The following KLHL15 variants were observed in gnomAD, a reference collection of about 807,000 sequenced individuals.
KLHL15 encodes kelch-like protein 15.
A neutral mutation model predicts 29.3 loss-of-function variants in KLHL15; 1 was observed. The ratio of observed to expected loss-of-function variants is 0.03; its 90% CI spans 0.01 to 0.16. The LOEUF is 0.16. KLHL15 is among the 10% of genes least tolerant of loss of function. The pLI is 1.00. For missense variants in KLHL15, 215 were observed against 478.5 expected, an observed-to-expected ratio of 0.45 and a Z score of 5.14; for synonymous variants, 212 against 184.5, an observed-to-expected ratio of 1.15 and a Z score of -1.21.
Position 24,006,310 on chromosome X carries a change from G to C in KLHL15, c.384C>G (p.Ile128Met). The C allele has an allele frequency of 8.3e-7, 1 of 1,211,667 alleles. No homozygotes were observed. The highest frequency in any genetic ancestry group is 1.8e-5 in the South Asian group (1 of 56,988). The change falls in exon 3 of 4, where the codon ATC (isoleucine) becomes ATG (methionine). Residue 128 changes from isoleucine to methionine, a missense_variant. By Grantham distance (10) the Ile-to-Met change is conservative. Coordinates refer to ENST00000328046, the MANE Select transcript of KLHL15 (RefSeq NM_030624.3). ...KFCCSFLLAKICLENCAEIMR... is the reference protein window; with the variant it reads ...KFCCSFLLAKMCLENCAEIMR... The stretch of plus-strand genomic sequence containing the variant: ...TAATTTCTGCACAATTTTCTAGGCA[G>C]ATCTTCGCTAAGAGAAAAGAGCAGC...
chrX:23,984,807 C>T lies in KLHL15; in HGVS notation c.*3114G>A, dbSNP rs982968457. ...CTTCTCCCCACATAAAGCGTGTGTC[C>T]TTTACTATGACTCGAGCAGGCTTCC... On this transcript the variant is annotated 3_prime_UTR_variant, in exon 4 of 4. Transcript: ENST00000328046. The T allele has an allele frequency of 2.7e-5, 3 of 111,922 alleles. No individual in the cohort carries two copies. Among genetic ancestry groups the T allele is most frequent in the African/African-American group, 9.7e-5 (3 of 30,844 alleles). 9.2% of individuals were successfully genotyped at this position (111,922 alleles called of 1,213,427 possible).
intron 2 of KLHL15, among the ~76,000 whole-genome samples, chrX:24,022,341 T>TAAAA (rs1354214505): frequency 7.3e-5 from 3 of 41,115 alleles, no homozygotes; most frequent in African/African-American, 1.5e-4. Context: ...TCTCAAAAGA[T>TAAAA]AAAAAAAAAA....
rs1021379080 is a variant in KLHL15 at position 23,983,827 on chromosome X, T to C, written c.*4094A>G. 1 of 112,154 alleles carries C rather than the reference T, an allele frequency of 8.9e-6. No homozygotes were observed. Among genetic ancestry groups the C allele is most frequent in the Non-Finnish European group, 1.9e-5 (1 of 53,229 alleles). The allele number at this position is 112,154 out of a possible 1,213,427, so 9.2% of individuals were successfully genotyped here. A position where few individuals can be genotyped will look rare whatever the true frequency, so the allele number is the denominator to read the frequency against. On this transcript the variant is annotated 3_prime_UTR_variant, in exon 4 of 4. Coordinates refer to ENST00000328046, the MANE Select transcript of KLHL15 (RefSeq NM_030624.3). ...AGCATAAACATGTTTGAATAGATTA[T>C]ATCCACGGCTTGGGAAAAATTACCT...
Position 24,003,585 on chromosome X carries a change from A to G in KLHL15, c.705+2404T>C, listed in dbSNP as rs200607521. Among the ~76,000 whole-genome samples, 542 of 108,307 alleles carry G rather than the reference A, an allele frequency of 5.0e-3. 3 individuals carry two copies. Among genetic ancestry groups the G allele is most frequent in the South Asian group, 0.02 (49 of 2,458 alleles). 94.1% of individuals were successfully genotyped at this position (108,307 alleles called of 115,157 possible). A position where few individuals can be genotyped will look rare whatever the true frequency, so the allele number is the denominator to read the frequency against. On this transcript the variant is annotated intron_variant, in intron 3 of 3. Transcript: ENST00000328046. ...ACCAAAAAAAAAAAAACAAAAAAAA[A>G]CCATGTAGATGCTACCTATATGTAC...
chrX:24,015,368 T>C (rs1398785777), intron 2 of KLHL15, among the ~76,000 whole-genome samples: 2 of 112,521 alleles, frequency 1.8e-5, no homozygotes, highest in Non-Finnish European at 3.7e-5. Flanking sequence ...AGCAACGCAT[T>C]TGTGAAGTTT....
intron 2 of KLHL15, among the ~76,000 whole-genome samples, chrX:24,011,481 C>T (rs1373917877): frequency 9.0e-6 from 1 of 111,514 alleles, no homozygotes; most frequent in East Asian, 2.8e-4. Flanking sequence ...CCATCTCTAC[C>T]AAAAATACAA....
intron 2 of KLHL15, among the ~76,000 whole-genome samples, chrX:24,015,363 C>T (rs780800585): frequency 1.8e-5 from 2 of 112,321 alleles, no homozygotes; most frequent in South Asian, 3.6e-4. Flanking sequence ...GTCTCAGCAA[C>T]GCATTTGTGA....
intron 3 of KLHL15, among the ~76,000 whole-genome samples, chrX:23,990,460 G>A (rs1929059930): frequency 9.0e-6 from 1 of 111,572 alleles, no homozygotes; most frequent in Non-Finnish European, 1.9e-5. Flanking sequence ...AATAAGACAA[G>A]GATAAGAGGG....
chrX:24,020,620 C>T (rs1929784354), intron 2 of KLHL15, among the ~76,000 whole-genome samples: 1 of 111,197 alleles, frequency 9.0e-6, no homozygotes, highest in Non-Finnish European at 1.9e-5. Context: ...TGCTTGAATG[C>T]TATTTTTCAT....
At chrX:23,989,937 G>C (rs1431848880) in intron 3 of KLHL15, among the ~76,000 whole-genome samples, 6 of 110,350 alleles carry the variant, frequency 5.4e-5, no homozygotes, top group Non-Finnish European at 1.1e-4. Flanking sequence ...TGACAGGTGT[G>C]AGTCACTGCG....
chrX:24,004,432 A>G, intron 3 of KLHL15, among the ~76,000 whole-genome samples: 1 of 112,205 alleles, frequency 8.9e-6, no homozygotes, highest in East Asian at 2.8e-4. Flanking sequence ...AAAAAAATCA[A>G]AACATCAGAG....
chrX:24,023,255 G>A (rs1206188319), intron 2 of KLHL15, among the ~76,000 whole-genome samples: 1 of 111,021 alleles, frequency 9.0e-6, no homozygotes, highest in African/African-American at 3.3e-5. Context: ...GTAGAGAGAA[G>A]GTCAAACCTT....
chrX:24,002,248 A>G (rs1333289593), intron 3 of KLHL15, among the ~76,000 whole-genome samples: 1 of 112,613 alleles, frequency 8.9e-6, no homozygotes, highest in Non-Finnish European at 1.9e-5. Flanking sequence ...TTTAAAAATC[A>G]AAGACCAAAG....
chrX:23,996,052 A>T (rs1420178160), intron 3 of KLHL15, among the ~76,000 whole-genome samples: 1 of 112,600 alleles, frequency 8.9e-6, no homozygotes, highest in Non-Finnish European at 1.9e-5. Context: ...CCCAGCCACG[A>T]AATAATTTTT....
rs1929001846 is a variant in KLHL15 at position 23,987,183 on chromosome X, T to G, written c.*738A>C. ...AAATGAGGACTCCAGTTATTTCAAC[T>G]TTCTAAAAATGTTAATATGTGAAAA... is the stretch of plus-strand genomic sequence containing the variant. On this transcript the variant is annotated 3_prime_UTR_variant, in exon 4 of 4. Coordinates refer to ENST00000328046, the MANE Select transcript of KLHL15 (RefSeq NM_030624.3). 8.9e-6 allele frequency: 1 copy of G among 112,230 alleles called. No individual in the cohort carries two copies. Among genetic ancestry groups the G allele is most frequent in the Non-Finnish European group, 1.9e-5 (1 of 53,234 alleles). 9.2% of individuals were successfully genotyped at this position (112,230 alleles called of 1,213,427 possible). A position where few individuals can be genotyped will look rare whatever the true frequency, so the allele number is the denominator to read the frequency against.
At chrX:24,023,209 G>C (rs961897109) in intron 2 of KLHL15, among the ~76,000 whole-genome samples, 1 of 111,556 alleles carries the variant, frequency 9.0e-6, no homozygotes, top group Admixed American at 9.6e-5. Flanking sequence ...AGCCTGCCCT[G>C]ATCAAGGTTA....
At chrX:24,012,223 T>C (rs1203045112) in intron 2 of KLHL15, among the ~76,000 whole-genome samples, 1 of 112,746 alleles carries the variant, frequency 8.9e-6, no homozygotes, top group Non-Finnish European at 1.9e-5. Flanking sequence ...TATTTGCTAA[T>C]CTGTGTTTTC....
In KLHL15 at chrX:23,988,881, A is replaced by C. The variant is rs1337443452; in HGVS notation, c.855T>G (p.Phe285Leu). Residue 285 changes from phenylalanine (F) to leucine (L), a missense_variant, in exon 4 of 4, where the codon TTT becomes TTG. Physicochemically the swap from Phe to Leu is conservative, Grantham distance 22 (BLOSUM62 0). Transcript: ENST00000328046. ...CCATGCTATGTCCAATCATTCCTCGAAATACTGTAGTTTGCGGTTTTGCAG... is the reference window on the plus strand; with the variant it reads ...CCATGCTATGTCCAATCATTCCTCGCAATACTGTAGTTTGCGGTTTTGCAG... ...IRSAKPQTTV[F>L]RGMIGHSMVN... The C allele has an allele frequency of 1.7e-6, 2 of 1,210,108 alleles. No individual in the cohort carries two copies. Among genetic ancestry groups the C allele is most frequent in the Non-Finnish European group, 2.2e-6 (2 of 895,346 alleles).
Position 24,019,644 on chromosome X carries a change from A to AACACAC in KLHL15, c.-8+5207_-8+5212dup, listed in dbSNP as rs200893692. Among the ~76,000 whole-genome samples, 23 of 107,175 alleles carry AACACAC rather than the reference A, an allele frequency of 2.1e-4. No individual in the cohort carries two copies. The South Asian group carries it at 2.4e-3, about 11-fold the overall frequency. 93.1% of individuals were successfully genotyped at this position (107,175 alleles called of 115,157 possible). ...ACTGAAAGTGTAAGAGATAAGTGACAACACACACACACACACACACACGTG... is the reference window on the plus strand; with the variant it reads ...ACTGAAAGTGTAAGAGATAAGTGACAACACACACACACACACACACACACACACGTG... On this transcript the variant is annotated intron_variant, in intron 2 of 3. Coordinates refer to ENST00000328046, the MANE Select transcript of KLHL15 (RefSeq NM_030624.3).
Sources: allele counts gnomAD v4.1 joint callset (sites outside exome capture counted in the v4.1 genomes callset), GRCh38; gene constraint gnomAD v4.1.1; transcripts MANE v1.5; gene names NCBI Gene and HGNC (gene_info 2026-07-23, HGNC 2026-07-21).